Variants in UBE2N observed in about 807,000 individuals in gnomAD.
The protein encoded by UBE2N is ubiquitin-conjugating enzyme E2 N.
For synonymous variants in UBE2N, 70 were observed against 69.2 expected, an observed-to-expected ratio of 1.01 and a Z score of -0.06; for missense variants, 60 against 192.1, an observed-to-expected ratio of 0.31 and a Z score of 4.07.
intron 1 of UBE2N, among the ~76,000 whole-genome samples, chr12:93,422,171 C>T (rs1298138544): frequency 6.6e-6 from 1 of 152,040 alleles, no homozygotes; most frequent in East Asian, 1.9e-4. Context: ...TCATAAAACA[C>T]TCATGAAGTT....
At chr12:93,427,747 G>A (rs531868841) in intron 1 of UBE2N, among the ~76,000 whole-genome samples, 1 of 152,208 alleles carries the variant, frequency 6.6e-6, no homozygotes, top group East Asian at 1.9e-4. Flanking sequence ...TATGGTATGA[G>A]AATTATACCT....
At chr12:93,433,604 T>C (rs1296027972) in intron 1 of UBE2N, among the ~76,000 whole-genome samples, 1 of 152,188 alleles carries the variant, frequency 6.6e-6, no homozygotes, top group Non-Finnish European at 1.5e-5. Context: ...TATAATATTA[T>C]TACATAAACT....
chr12:93,411,318 C>T lies in UBE2N; in HGVS notation c.31-19G>A. 1 of 1,571,584 alleles carries T rather than the reference C, an allele frequency of 6.4e-7. No individual in the cohort carries two copies. Among genetic ancestry groups the T allele is most frequent in the Non-Finnish European group, 8.6e-7 (1 of 1,162,194 alleles). ...GGGTTTCCTATGACAGAAAAACAAA[C>T]ACATTTGTGAAACAAATGTCATTTT... On this transcript the variant is annotated intron_variant, in intron 1 of 3. Coordinates refer to ENST00000318066, the MANE Select transcript of UBE2N (RefSeq NM_003348.4).
At chr12:93,410,637 CTA>C in intron 3 of UBE2N, 95 bp downstream of exon 3, 2 of 1,530,152 alleles carry the variant, frequency 1.3e-6, no homozygotes, top group South Asian at 2.5e-5. Flanking sequence ...ATACTTTTTT[CTA>C]TTTCTTTTCC....
chr12:93,424,692 C>A (rs1878524973), intron 1 of UBE2N, among the ~76,000 whole-genome samples: 2 of 152,200 alleles, frequency 1.3e-5, no homozygotes, highest in South Asian at 4.1e-4. Flanking sequence ...TGAAGTTATA[C>A]AGTGAAATAC....
At chr12:93,426,477 G>C (rs1160947998) in intron 1 of UBE2N, among the ~76,000 whole-genome samples, 1 of 151,340 alleles carries the variant, frequency 6.6e-6, no homozygotes, top group Non-Finnish European at 1.5e-5. Context: ...GTTTTCTTGA[G>C]GAAGGAAATC....
chr12:93,436,421 A>G lies in UBE2N; in HGVS notation c.30+5434T>C, dbSNP rs149256217. 2.7e-3 allele frequency among the ~76,000 whole-genome samples: 406 copies of G among 152,308 alleles called. 4 individuals carry two copies. The highest frequency in any genetic ancestry group is 4.7e-3 in the Non-Finnish European group (319 of 68,024). ...GCTCAGCCCTCATGATTAATTCTGA[A>G]AAGACCATTAAAGGAATGTCAGTCA... On this transcript the variant is annotated intron_variant, in intron 1 of 3. Transcript: ENST00000318066.
intron 1 of UBE2N, among the ~76,000 whole-genome samples, chr12:93,435,076 C>T (rs1878893524): frequency 6.6e-6 from 1 of 152,026 alleles, no homozygotes; most frequent in African/African-American, 2.4e-5. Context: ...AGTTTCCCTG[C>T]CCCCACCTGG....
At chr12:93,423,871 G>C (rs1188840374) in intron 1 of UBE2N, among the ~76,000 whole-genome samples, 1 of 152,116 alleles carries the variant, frequency 6.6e-6, no homozygotes, top group Non-Finnish European at 1.5e-5. Flanking sequence ...AGGATATTAT[G>C]AACTGTCATC....
rs1171985311 is a variant in UBE2N at position 93,406,730 on chromosome 12, TA to T, written c.*3308del. 4.6e-5 allele frequency: 7 copies of T among 152,302 alleles called. No individual in the cohort carries two copies. Among genetic ancestry groups the T allele is most frequent in the Admixed American group, 4.6e-4 (7 of 15,290 alleles). The allele number at this position is 152,302 out of a possible 1,614,324, so 9.4% of individuals were successfully genotyped here. A position where few individuals can be genotyped will look rare whatever the true frequency, so the allele number is the denominator to read the frequency against. ...ATTATAAGTAATCTAAATATTAACA[TA>T]AGCGGGAGGATTTGTGTAGATTGTA... On this transcript the variant is annotated 3_prime_UTR_variant, in exon 4 of 4. Coordinates refer to ENST00000318066, the MANE Select transcript of UBE2N (RefSeq NM_003348.4).
intron 1 of UBE2N, among the ~76,000 whole-genome samples, chr12:93,421,275 C>T (rs957379572): frequency 6.6e-6 from 1 of 151,882 alleles, no homozygotes; most frequent in Non-Finnish European, 1.5e-5. Context: ...AATCTCAGCT[C>T]ACTGCAAGCT....
chr12:93,439,710 C>A (rs1342988612), intron 1 of UBE2N, among the ~76,000 whole-genome samples: 1 of 152,098 alleles, frequency 6.6e-6, no homozygotes, highest in Non-Finnish European at 1.5e-5. Context: ...ATAACACAAG[C>A]ATGGACACTT....
chr12:93,408,702 G>A lies in UBE2N; in HGVS notation c.*1337C>T, dbSNP rs1399537171. ...AATTCCAAATTAAAGAATAAAACGA[G>A]CTCCCACAGCAAATACTGGAGGGAT... On this transcript the variant is annotated 3_prime_UTR_variant, in exon 4 of 4. Coordinates refer to ENST00000318066, the MANE Select transcript of UBE2N (RefSeq NM_003348.4). The A allele has an allele frequency of 1.3e-5, 2 of 152,168 alleles. No individual in the cohort carries two copies. The highest frequency in any genetic ancestry group is 2.9e-5 in the Non-Finnish European group (2 of 68,022). The allele number at this position is 152,168 out of a possible 1,614,324, so 9.4% of individuals were successfully genotyped here.
At chr12:93,416,308 ATCTT>A (rs1259801100) in intron 1 of UBE2N, among the ~76,000 whole-genome samples, 3 of 152,246 alleles carry the variant, frequency 2.0e-5, no homozygotes, top group Non-Finnish European at 2.9e-5. Flanking sequence ...AGGAAATAAA[ATCTT>A]TCCGGCCACT....
At chr12:93,435,053 C>G (rs1878892249) in intron 1 of UBE2N, among the ~76,000 whole-genome samples, 1 of 152,120 alleles carries the variant, frequency 6.6e-6, no homozygotes, top group Non-Finnish European at 1.5e-5. Flanking sequence ...GCATGAACCA[C>G]CATACCTGGC....
At chr12:93,427,977 A>G (rs1006548562) in intron 1 of UBE2N, among the ~76,000 whole-genome samples, 1 of 152,162 alleles carries the variant, frequency 6.6e-6, no homozygotes, top group Non-Finnish European at 1.5e-5. Flanking sequence ...GTATAGTGAC[A>G]CAATCTTGGC....
chr12:93,431,055 C>A (rs546374423), intron 1 of UBE2N, among the ~76,000 whole-genome samples: 4 of 151,642 alleles, frequency 2.6e-5, no homozygotes, highest in Non-Finnish European at 5.9e-5. Flanking sequence ...GGTGAAACCC[C>A]GTCTCTACTA....
intron 1 of UBE2N, among the ~76,000 whole-genome samples, chr12:93,421,546 A>G (rs1878411619): frequency 6.6e-6 from 1 of 152,208 alleles, no homozygotes. Flanking sequence ...AGTAAACAGC[A>G]CGGGAGTTAA....
At chr12:93,419,565 T>C (rs1157471431) in intron 1 of UBE2N, among the ~76,000 whole-genome samples, 3 of 152,178 alleles carry the variant, frequency 2.0e-5, no homozygotes, top group African/African-American at 7.2e-5. Context: ...AATGATGAAG[T>C]AAAGAGTTCA....
Sources: allele counts gnomAD v4.1 joint callset (sites outside exome capture counted in the v4.1 genomes callset), GRCh38; gene constraint gnomAD v4.1.1; transcripts MANE v1.5; gene names NCBI Gene and HGNC (gene_info 2026-07-23, HGNC 2026-07-21).